Variants in RABEP1 observed in about 807,000 individuals in gnomAD.
RABEP1 encodes rab GTPase-binding effector protein 1.
Under a neutral mutation model 123.4 loss-of-function variants are expected in RABEP1, and 51 were observed. That is an observed-to-expected ratio of 0.41 (90% CI 0.33 to 0.52). The LOEUF (loss-of-function observed/expected upper bound fraction) is 0.52. RABEP1 is among the 20% of genes least tolerant of loss of function. The pLI, the probability that RABEP1 is intolerant of heterozygous loss-of-function variation, is 0.16. For missense variants in RABEP1, 888 were observed against 996.3 expected (o/e 0.89, Z 1.46); for synonymous variants, 347 against 355.2 (o/e 0.98, Z 0.26).
At chr17:5,288,652 C>G (rs1361494211) in intron 1 of RABEP1, among the ~76,000 whole-genome samples, 1 of 152,160 alleles carries the variant, frequency 6.6e-6, no homozygotes, top group Non-Finnish European at 1.5e-5. Context: ...GCCTTGGCCT[C>G]CCAAAGTGCT....
rs1365848456 is a variant in RABEP1 at position 5,361,478 on chromosome 17, T to A, written c.1366T>A (p.Ser456Thr). ...AGTGTCTGAGAACTTTGATACTGCA[T>A]CCCTTGGGTCACTCCAGATGCCAAG... is the stretch of plus-strand genomic sequence containing the variant. ...DSVSENFDTA[S>T]LGSLQMPSGF... Residue 456 changes from serine (S) to threonine (T), a missense_variant, in exon 9 of 18, where the codon TCC (serine) becomes ACC (threonine). Coordinates refer to ENST00000537505, the MANE Select transcript of RABEP1 (RefSeq NM_004703.6). 1.2e-6 allele frequency: 2 copies of A among 1,614,146 alleles called. No homozygotes were observed. The highest frequency in any genetic ancestry group is 8.5e-7 in the Non-Finnish European group (1 of 1,180,034).
At chr17:5,304,086 A>C (rs556555282) in intron 1 of RABEP1, among the ~76,000 whole-genome samples, 25 of 152,216 alleles carry the variant, frequency 1.6e-4, no homozygotes, top group Admixed American at 1.3e-3. Flanking sequence ...TGTAAGAGGA[A>C]CGTAGTAGTA....
At chr17:5,326,632 G>A (rs949573365) in intron 2 of RABEP1, among the ~76,000 whole-genome samples, 14 of 152,124 alleles carry the variant, frequency 9.2e-5, no homozygotes, top group Non-Finnish European at 1.9e-4. Context: ...TAGTGTAAAC[G>A]AAGTGGGTGA....
At position 5,310,724 on chromosome 17, in the gene RABEP1, CCTT is replaced by C. The variant is rs550227269; in HGVS notation, c.163+1903_163+1905del. Among the ~76,000 whole-genome samples the C allele has an allele frequency of 5.2e-4, 79 of 152,128 alleles. 1 individual carries two copies. The highest frequency in any genetic ancestry group is 1.7e-3 in the African/African-American group (72 of 41,504). On this transcript the variant is annotated intron_variant, in intron 2 of 17. Coordinates refer to ENST00000537505, the MANE Select transcript of RABEP1 (RefSeq NM_004703.6). The stretch of plus-strand genomic sequence containing the variant: ...GCCGAAATTTTACAGTGGTTTTCCT[CCTT>C]GCGTTGGGTTTTCTTCTTTACATCT...
At chr17:5,364,710 CAAAAAA>C (rs200314940) in intron 10 of RABEP1, among the ~76,000 whole-genome samples, 1 of 112,618 alleles carries the variant, frequency 8.9e-6, no homozygotes, top group African/African-American at 3.3e-5. Context: ...ACTCTTGTCT[CAAAAAA>C]AAAAAAAAAA....
intron 2 of RABEP1, among the ~76,000 whole-genome samples, chr17:5,322,083 G>A (rs566327158): frequency 7.2e-4 from 109 of 152,154 alleles, no homozygotes; most frequent in African/African-American, 2.5e-3. Flanking sequence ...GCCTGTAATC[G>A]CAGCTACTTG....
chr17:5,293,485 C>A (rs2075052306), intron 1 of RABEP1, among the ~76,000 whole-genome samples: 1 of 152,054 alleles, frequency 6.6e-6, no homozygotes, highest in African/African-American at 2.4e-5. Context: ...GGCTGGAGTG[C>A]AGTGGTGTGA....
intron 2 of RABEP1, among the ~76,000 whole-genome samples, chr17:5,325,348 A>G (rs1341510435): frequency 6.6e-6 from 1 of 152,132 alleles, no homozygotes; most frequent in Non-Finnish European, 1.5e-5. Flanking sequence ...CCAAAAAAAA[A>G]AGGAAAGAAT....
chr17:5,284,713 GC>G (rs1208424533), intron 1 of RABEP1, among the ~76,000 whole-genome samples: 3 of 152,052 alleles, frequency 2.0e-5, no homozygotes, highest in Admixed American at 6.6e-5. Flanking sequence ...GGATCCACCT[GC>G]CTACACTTCC....
Position 5,360,345 on chromosome 17 carries a change from G to A in RABEP1, c.1096-863G>A, listed in dbSNP as rs537102826. ...TGGGAGGCTGAGGTCGGGGGATCAC[G>A]AGGTCAGGAGAGCGAGACCATCCTG... On this transcript the variant is annotated intron_variant, in intron 8 of 17. Coordinates refer to ENST00000537505, the MANE Select transcript of RABEP1 (RefSeq NM_004703.6). Among the ~76,000 whole-genome samples the A allele has an allele frequency of 9.8e-5, 15 of 152,314 alleles. No individual in the cohort carries two copies. The South Asian group carries it at 2.7e-3, about 27-fold the overall frequency.
intron 2 of RABEP1, among the ~76,000 whole-genome samples, chr17:5,325,963 A>C (rs1213916955): frequency 6.6e-6 from 1 of 152,240 alleles, no homozygotes; most frequent in African/African-American, 2.4e-5. Context: ...TTAGACTGTG[A>C]GAATGGCCTA....
intron 10 of RABEP1, 47 bp from the exon 11 acceptor site, chr17:5,365,075 T>A (rs1909898077): frequency 1.6e-6 from 2 of 1,277,824 alleles, no homozygotes; most frequent in Non-Finnish European, 2.2e-6. Flanking sequence ...AAAAAAAAAA[T>A]TATAAAAGGA....
chr17:5,306,050 T>C (rs2075176629), intron 1 of RABEP1, among the ~76,000 whole-genome samples: 1 of 152,178 alleles, frequency 6.6e-6, no homozygotes, highest in South Asian at 2.1e-4. Context: ...AATGAACACA[T>C]AGCGATGCTT....
chr17:5,367,468 A>T (rs933767255), intron 11 of RABEP1, among the ~76,000 whole-genome samples: 1 of 151,704 alleles, frequency 6.6e-6, no homozygotes, highest in Non-Finnish European at 1.5e-5. Context: ...ACGGGGTTTC[A>T]CCATCTTGGC....
Position 5,350,590 on chromosome 17 carries a change from A to G in RABEP1, c.924A>G (p.Glu308=). The change falls in exon 7 of 18, where the codon GAA becomes GAG. Residue 308 remains glutamate (E), a synonymous_variant. Transcript: ENST00000537505. ...GAATGGAGATTGTGCTAACTTCAGAACAGCTCCGACAAGTTGAAGAACTGA... is the reference window on the plus strand; with the variant it reads ...GAATGGAGATTGTGCTAACTTCAGAGCAGCTCCGACAAGTTGAAGAACTGA... ...MQRMEIVLTS[E]QLRQVEELKK... 1 of 1,613,952 alleles carries G rather than the reference A, an allele frequency of 6.2e-7. No individual in the cohort carries two copies. Among genetic ancestry groups the G allele is most frequent in the Non-Finnish European group, 8.5e-7 (1 of 1,179,982 alleles).
chr17:5,372,809 G>A (rs554968810), intron 12 of RABEP1, among the ~76,000 whole-genome samples: 7 of 151,666 alleles, frequency 4.6e-5, no homozygotes, highest in African/African-American at 7.3e-5. Context: ...CAGGATGGGC[G>A]CAACGGTGCA....
At chr17:5,339,973 GAT>G (rs1907444446) in intron 5 of RABEP1, among the ~76,000 whole-genome samples, 1 of 152,224 alleles carries the variant, frequency 6.6e-6, no homozygotes, top group African/African-American at 2.4e-5. Flanking sequence ...TCATCAATAA[GAT>G]ATAATAGTCA....
rs189008176 is a variant in RABEP1, at chr17:5,356,933, A to G, written c.1095+2443A>G. On this transcript the variant is annotated intron_variant, in intron 8 of 17. Coordinates refer to ENST00000537505, the MANE Select transcript of RABEP1 (RefSeq NM_004703.6). ...CTCACTTTCACCCAGGCTGGAGTGC[A>G]GTGGCGTGATCTCAGCTCATTGCAA... Among the ~76,000 whole-genome samples the G allele has an allele frequency of 2.4e-3, 361 of 152,048 alleles. 3 individuals are homozygous for G. The highest frequency in any genetic ancestry group is 8.3e-3 in the African/African-American group (344 of 41,458).
rs1022709702 is a variant in RABEP1, at chr17:5,368,526, T to A, written c.1884+58T>A. 4.1e-6 allele frequency: 5 copies of A among 1,204,910 alleles called. No homozygotes were observed. In the Admixed American group the frequency reaches 5.5e-5, roughly 13 times the overall value. The allele number at this position is 1,204,910 out of a possible 1,614,324, so 74.6% of individuals were successfully genotyped here. A position where few individuals can be genotyped will look rare whatever the true frequency, so the allele number is the denominator to read the frequency against. On this transcript the variant is annotated intron_variant, in intron 12 of 17. Transcript: ENST00000537505. ...GTTACTATATATTCCTTTTTTGTTCTATCTTGACATCATCTTTGATAGGAA... is the reference window on the plus strand; with the variant it reads ...GTTACTATATATTCCTTTTTTGTTCAATCTTGACATCATCTTTGATAGGAA...
Sources: gnomAD v4.1 joint callset for allele counts (sites outside exome capture counted in the v4.1 genomes callset) on GRCh38, gnomAD v4.1.1 for gene constraint, MANE v1.5 for transcripts, NCBI Gene and HGNC (gene_info 2026-07-23, HGNC 2026-07-21) for gene names.